ST3GAL6: variants seen among roughly 807,000 people sequenced by gnomAD.
ST3GAL6 encodes the protein type 2 lactosamine alpha-2,3-sialyltransferase.
ST3GAL6 carries 31 observed loss-of-function variants against 40.5 expected under a neutral mutation model. The ratio of observed to expected loss-of-function variants is 0.77; its 90% CI spans 0.58 to 1.03. ST3GAL6 has a LOEUF of 1.03. ST3GAL6 is among the 50% of genes least tolerant of loss of function. The pLI is 0.00. For synonymous variants in ST3GAL6, 129 were observed against 136.9 expected (o/e 0.94, Z 0.40); for missense variants, 357 against 393.2 (o/e 0.91, Z 0.78).
rs750836550 is a variant in ST3GAL6 at position 98,732,979 on chromosome 3, C to G, written c.-12+447C>G. 156 of 1,491,730 alleles carry G rather than the reference C, an allele frequency of 1.0e-4. 3 individuals are homozygous for G. The African/African-American group carries it at 2.1e-3, about 20-fold the overall frequency. 92.4% of individuals were successfully genotyped at this position (1,491,730 alleles called of 1,614,324 possible). A position where few individuals can be genotyped will look rare whatever the true frequency, so the allele number is the denominator to read the frequency against. On this transcript the variant is annotated intron_variant, in intron 1 of 9. Coordinates refer to the ST3GAL6 transcript ENST00000265261. ...CTGGGCCTCGGCGGGTCACTCTTGC[C>G]GGCCGGCTTCGCTGCGGGTTTGCAC... is the stretch of plus-strand genomic sequence containing the variant.
chr3:98,768,685 A>C (rs1429607781), intron 2 of ST3GAL6, among the ~76,000 whole-genome samples, 156 bp downstream of exon 2: 1 of 152,186 alleles, frequency 6.6e-6, no homozygotes, highest in African/African-American at 2.4e-5. Flanking sequence ...CCAGTATCCT[A>C]TAGATTGTAT....
At chr3:98,774,004 C>G in intron 5 of ST3GAL6, 21 bp downstream of exon 5, 1 of 1,593,610 alleles carries the variant, frequency 6.3e-7, no homozygotes, top group East Asian at 2.2e-5. Context: ...TTCCTTGCTT[C>G]TAGTCTGGCT....
chr3:98,763,488 A>G, intron 1 of ST3GAL6, 49 bp downstream of exon 1: 2 of 1,287,448 alleles, frequency 1.6e-6, no homozygotes, highest in South Asian at 1.2e-5. Context: ...TGTGGCTTAA[A>G]TCTAGATGCT....
chr3:98,770,847 G>A (rs752512501), intron 2 of ST3GAL6, 32 bp from the exon 3 acceptor site: 2 of 1,603,646 alleles, frequency 1.2e-6, no homozygotes, highest in Non-Finnish European at 1.7e-6. Flanking sequence ...GCCCGATTCT[G>A]GTTTCTGACT....
chr3:98,790,702 A>G (rs1941121432), intron 8 of ST3GAL6, among the ~76,000 whole-genome samples: 1 of 152,086 alleles, frequency 6.6e-6, no homozygotes, highest in South Asian at 2.1e-4. Flanking sequence ...TATTCCTCTT[A>G]TAAGAGTTTG....
At chr3:98,743,159 C>T (rs116226084) in intron 1 of ST3GAL6, among the ~76,000 whole-genome samples, 3,330 of 151,862 alleles carry the variant, frequency 0.022, 128 homozygotes, top group African/African-American at 0.077. Context: ...AGATGTGAGC[C>T]ACTATGCCTG....
chr3:98,785,098 C>T, intron 6 of ST3GAL6, 58 bp downstream of exon 6: 1 of 1,195,538 alleles, frequency 8.4e-7, no homozygotes, highest in South Asian at 1.3e-5. Flanking sequence ...TGGTTTCTTG[C>T]CTTAATACAG....
intron 5 of ST3GAL6, chr3:98,783,437 C>A: frequency 2.0e-6 from 1 of 507,980 alleles, no homozygotes; most frequent in Non-Finnish European, 2.5e-6. Context: ...TCAGTGTCCC[C>A]TTGCCGGCAA....
intron 1 of ST3GAL6, among the ~76,000 whole-genome samples, chr3:98,738,114 C>T (rs1935721811): frequency 7.7e-6 from 1 of 130,366 alleles, no homozygotes; most frequent in Non-Finnish European, 1.6e-5. Context: ...GCCTTTCCTC[C>T]TACTCCAATT....
At chr3:98,772,209 TTC>T (rs372471100) in intron 3 of ST3GAL6, 2 of 152,330 alleles carry the variant, frequency 1.3e-5, no homozygotes, top group African/African-American at 4.8e-5. Flanking sequence ...GTGGACAGTA[TTC>T]TCTGAGGGCA....
rs180846139 is a variant in ST3GAL6, at chr3:98,744,217, A to G, written c.-12+11685A>G. The stretch of plus-strand genomic sequence containing the variant: ...TCAGAGGGAGCATGGCCCTGCTAAC[A>G]CCTTGATTTCAGACTTCTGGCCTCC... On this transcript the variant is annotated intron_variant, in intron 1 of 9. Coordinates refer to the ST3GAL6 transcript ENST00000265261. Among the ~76,000 whole-genome samples, 28 of 152,282 alleles carry G rather than the reference A, an allele frequency of 1.8e-4. No individual in the cohort carries two copies. The East Asian group carries it at 5.4e-3, about 29-fold the overall frequency.
chr3:98,736,436 C>T (rs1935551073), intron 1 of ST3GAL6, among the ~76,000 whole-genome samples: 2 of 152,130 alleles, frequency 1.3e-5, no homozygotes, highest in African/African-American at 2.4e-5. Flanking sequence ...ACAAGGCCCC[C>T]AGAAGAGGAG....
At chr3:98,770,994 A>C in intron 3 of ST3GAL6, 38 bp downstream of exon 3, 1 of 1,599,794 alleles carries the variant, frequency 6.3e-7, no homozygotes, top group South Asian at 1.1e-5. Flanking sequence ...CATACAAAAT[A>C]TTCTAAATGT....
intron 1 of ST3GAL6, among the ~76,000 whole-genome samples, chr3:98,746,785 A>G (rs1936593239): frequency 6.6e-6 from 1 of 152,188 alleles, no homozygotes; most frequent in South Asian, 2.1e-4. Flanking sequence ...CACATGTTAT[A>G]GTTTGATACA....
chr3:98,788,072 A>G lies in ST3GAL6; in HGVS notation c.468A>G (p.Glu156=). 2.5e-6 allele frequency: 4 copies of G among 1,613,916 alleles called. No homozygotes were observed. Among genetic ancestry groups the G allele is most frequent in the Non-Finnish European group, 2.5e-6 (3 of 1,179,926 alleles). ...NNGPVLGHEE[E]VGRRTTFRLF... ...GTCCTGTTTTAGGACATGAAGAAGAAGTTGGGAGAAGGACAACCTTCCGAC... is the reference window on the plus strand; with the variant it reads ...GTCCTGTTTTAGGACATGAAGAAGAGGTTGGGAGAAGGACAACCTTCCGAC... Residue 156 remains glutamate, a synonymous_variant, in exon 7 of 10, where the codon GAA becomes GAG. Coordinates refer to ENST00000483910, the MANE Select transcript of ST3GAL6 (RefSeq NM_001323368.2).
intron 1 of ST3GAL6, among the ~76,000 whole-genome samples, chr3:98,751,842 C>G (rs958672657): frequency 1.3e-5 from 2 of 152,158 alleles, no homozygotes; most frequent in South Asian, 2.1e-4. Flanking sequence ...TGGAAATAAT[C>G]TTCATGTAGT....
intron 1 of ST3GAL6, chr3:98,732,670 G>C (rs1394664778): frequency 1.8e-6 from 1 of 541,212 alleles, no homozygotes; most frequent in Non-Finnish European, 3.1e-6. Context: ...CGGAGCAGGA[G>C]GAGCTTCCCG....
Position 98,770,953 on chromosome 3 carries a change from T to G in ST3GAL6, c.164T>G (p.Leu55Arg). ...CLSKPAFASL[L>R]RFHQFHPFLC... Reference sequence around the variant, plus strand: ...TCAAAGCCAGCTTTTGCCTCTCTGCTGAGGTAAAAATATACCAGAAAAACC... The same window carrying G: ...TCAAAGCCAGCTTTTGCCTCTCTGCGGAGGTAAAAATATACCAGAAAAACC... Residue 55 changes from leucine to arginine, a missense_variant, in exon 3 of 10, where the codon CTG becomes CGG. Transcript: ENST00000483910. 6.2e-7 allele frequency: 1 copy of G among 1,613,986 alleles called. No individual in the cohort carries two copies.
intron 1 of ST3GAL6, among the ~76,000 whole-genome samples, chr3:98,745,523 A>G (rs1221296814): frequency 6.6e-6 from 1 of 152,144 alleles, no homozygotes; most frequent in East Asian, 1.9e-4. Flanking sequence ...TTGGTCTTTA[A>G]TGTCCTCAGC....
Sources: gnomAD v4.1 joint callset for allele counts (sites outside exome capture counted in the v4.1 genomes callset) on GRCh38, gnomAD v4.1.1 for gene constraint, MANE v1.5 for transcripts, NCBI Gene and HGNC (gene_info 2026-07-23, HGNC 2026-07-21) for gene names.